The following KLRG1 variants were observed in gnomAD, a reference collection of about 807,000 sequenced individuals.
The protein encoded by KLRG1 is killer cell lectin-like receptor subfamily G member 1.
A neutral mutation model predicts 21.8 loss-of-function variants in KLRG1; 16 were observed. The observed-to-expected ratio is 0.73, with a 90% CI of 0.50 to 1.11. The LOEUF is 1.11. Ranked by LOEUF, KLRG1 falls within the 50% of genes most tolerant of loss-of-function variation. The pLI, the probability that KLRG1 is intolerant of heterozygous loss-of-function variation, is 0.00. For missense variants in KLRG1, 173 were observed against 218.3 expected (o/e 0.79, Z 1.31); for synonymous variants, 69 against 75.9 (o/e 0.91, Z 0.47).
At chr12:9,103,285 A>C in the KLRG1 span, among the ~76,000 whole-genome samples, 1 of 152,338 alleles carries the variant, frequency 6.6e-6, no homozygotes, top group East Asian at 1.9e-4. Context: ...TTAGTATTGC[A>C]ATCATTTTAC....
the KLRG1 span, among the ~76,000 whole-genome samples, chr12:9,120,924 A>C: frequency 1.4e-5 from 2 of 147,658 alleles, no homozygotes; most frequent in Admixed American, 1.4e-4. Flanking sequence ...TCTGTTGCCC[A>C]GGCTGGAGTA....
the KLRG1 span, among the ~76,000 whole-genome samples, chr12:9,026,525 G>T: frequency 1.3e-5 from 2 of 152,118 alleles, no homozygotes; most frequent in Non-Finnish European, 2.9e-5. Context: ...TACTATTTTT[G>T]TGGGGGAAGA....
chr12:8,958,935 C>T (rs1023837100), intron 1 of KLRG1, among the ~76,000 whole-genome samples: 1 of 151,892 alleles, frequency 6.6e-6, no homozygotes, highest in Non-Finnish European at 1.5e-5. Context: ...AAATTGACAT[C>T]TTAATGTTGA....
the KLRG1 span, chr12:9,163,881 A>G: frequency 1.6e-5 from 23 of 1,438,864 alleles, no homozygotes; most frequent in Non-Finnish European, 2.1e-5. Flanking sequence ...TGTCCAGAAT[A>G]GAAAATAAGG....
chr12:9,030,499 C>G, the KLRG1 span, among the ~76,000 whole-genome samples: 1 of 152,004 alleles, frequency 6.6e-6, no homozygotes, highest in Admixed American at 6.6e-5. Flanking sequence ...CTCTACCTCC[C>G]GGATTCACAT....
chr12:8,979,012 G>A (rs1403866382), intron 1 of KLRG1, among the ~76,000 whole-genome samples: 2 of 148,300 alleles, frequency 1.3e-5, no homozygotes, highest in Non-Finnish European at 3.0e-5. Flanking sequence ...ACTTCACCTG[G>A]CCTGTCTTTT....
chr12:9,109,243 G>C, the KLRG1 span: 1 of 1,171,806 alleles, frequency 8.5e-7, no homozygotes, highest in Non-Finnish European at 1.2e-6. Context: ...TGCTCCCGGA[G>C]AGAGTAGTTA....
At chr12:9,140,837 T>C in the KLRG1 span, among the ~76,000 whole-genome samples, 1 of 151,920 alleles carries the variant, frequency 6.6e-6, no homozygotes, top group Admixed American at 6.5e-5. Context: ...TTCCCGAGAG[T>C]TTTATTGGCT....
the KLRG1 span, among the ~76,000 whole-genome samples, chr12:9,073,545 A>G: frequency 6.6e-6 from 1 of 152,298 alleles, no homozygotes; most frequent in South Asian, 2.1e-4. Context: ...CCTTTAACAA[A>G]ATTACTTAGT....
At chr12:9,148,248 A>G in the KLRG1 span, among the ~76,000 whole-genome samples, 1 of 152,170 alleles carries the variant, frequency 6.6e-6, no homozygotes, top group African/African-American at 2.4e-5. Flanking sequence ...TCTACTCCTT[A>G]GCATTTTTCA....
At chr12:9,095,742 C>CTTTTTTTTTTTTT in the KLRG1 span, 2 of 276,800 alleles carry the variant, frequency 7.2e-6, no homozygotes, top group Non-Finnish European at 1.1e-5. Context: ...TTATTTGTGA[C>CTTTTTTTTTTTTT]TTTTTTTTTT....
chr12:9,027,610 G>C, the KLRG1 span: 2 of 872,784 alleles, frequency 2.3e-6, no homozygotes, highest in Admixed American at 3.4e-5. Flanking sequence ...GCAAAGCATT[G>C]GCCTCCACCA....
intron 3 of KLRG1, among the ~76,000 whole-genome samples, chr12:9,008,339 T>C (rs934745552): frequency 6.6e-6 from 1 of 152,226 alleles, no homozygotes; most frequent in African/African-American, 2.4e-5. Context: ...AAGGTAGAGA[T>C]GTAATATTAT....
At chr12:9,183,037 G>A in the KLRG1 span, among the ~76,000 whole-genome samples, 1 of 152,090 alleles carries the variant, frequency 6.6e-6, no homozygotes, top group South Asian at 2.1e-4. Context: ...AGAGTCTCTC[G>A]ACATTGTTGA....
the KLRG1 span, chr12:9,101,089 T>TA: frequency 6.7e-7 from 1 of 1,495,350 alleles, no homozygotes; most frequent in East Asian, 2.5e-5. Flanking sequence ...TTCCGTGGTG[T>TA]AAGGCTGAAT....
At chr12:9,202,235 C>T in the KLRG1 span, 2 of 1,249,978 alleles carry the variant, frequency 1.6e-6, no homozygotes, top group African/African-American at 1.5e-5. Context: ...TTCATCCTCT[C>T]GCTTTTCTTG....
the KLRG1 span, among the ~76,000 whole-genome samples, chr12:9,110,578 T>A: frequency 6.6e-6 from 1 of 151,726 alleles, no homozygotes; most frequent in African/African-American, 2.4e-5. Flanking sequence ...ATAATCATTA[T>A]CCATGATTGG....
the KLRG1 span, chr12:9,169,677 A>G: frequency 1.6e-6 from 2 of 1,289,110 alleles, no homozygotes; most frequent in Non-Finnish European, 2.1e-6. Flanking sequence ...AATAATTATC[A>G]CCAATCTTTT....
At chr12:9,012,895 G>A (rs1023589435), downstream of KLRG1, among the ~76,000 whole-genome samples, 2 of 152,132 alleles carry the variant, frequency 1.3e-5, no homozygotes, top group Non-Finnish European at 2.9e-5. Flanking sequence ...CAAGCCTTGG[G>A]CGAGACCCAG....
Sources: gnomAD v4.1 joint callset for allele counts (sites outside exome capture counted in the v4.1 genomes callset) on GRCh38, gnomAD v4.1.1 for gene constraint, MANE v1.5 for transcripts, NCBI Gene and HGNC (gene_info 2026-07-23, HGNC 2026-07-21) for gene names.